The following DCDC1 variants were observed in gnomAD, a reference collection of about 807,000 sequenced individuals.
The protein encoded by DCDC1 is doublecortin domain-containing protein 1.
A neutral mutation model predicts 178.3 loss-of-function variants in DCDC1; 200 were observed. That is an observed-to-expected ratio of 1.12 (90% CI 1.00 to 1.26). The LOEUF is 1.26. Among genes scored for constraint, DCDC1 ranks in the 50% most tolerant of loss-of-function variants. DCDC1 has a pLI of 0.00. For synonymous variants in DCDC1, 690 were observed against 604.8 expected (o/e 1.14, Z -2.07); for missense variants, 1,983 against 1,749.2 (o/e 1.13, Z -2.38).
chr11:31,082,409 A>G lies in DCDC1; in HGVS notation c.2238-4484T>C, dbSNP rs191250890. 7.6e-4 allele frequency among the ~76,000 whole-genome samples: 115 copies of G among 152,212 alleles called. 1 individual carries two copies. Among genetic ancestry groups the G allele is most frequent in the African/African-American group, 2.7e-3 (113 of 41,542 alleles). ...CAGATCCTTCCTTCTCTGAAATCAT[A>G]TGACTTCCAAGTGTTCTCATTTTAC... On this transcript the variant is annotated intron_variant, in intron 17 of 38. Coordinates refer to ENST00000684477, the MANE Select transcript of DCDC1 (RefSeq NM_001387274.1).
chr11:31,294,615 G>A (rs1213577614), intron 6 of DCDC1, among the ~76,000 whole-genome samples: 1 of 23,538 alleles, frequency 4.2e-5, no homozygotes, highest in East Asian at 1.7e-3. Context: ...GGAGGGGAGG[G>A]GAGGGGAGGG....
At chr11:30,992,025 A>C (rs966537506) in intron 20 of DCDC1, among the ~76,000 whole-genome samples, 3 of 152,334 alleles carry the variant, frequency 2.0e-5, no homozygotes, top group East Asian at 3.9e-4. Context: ...ACCAAAAATG[A>C]AAATGGTACG....
At chr11:31,356,780 A>G (rs1951394989) in intron 1 of DCDC1, among the ~76,000 whole-genome samples, 2 of 150,314 alleles carry the variant, frequency 1.3e-5, no homozygotes, top group South Asian at 4.2e-4. Flanking sequence ...ACAGAAATAC[A>G]AACTACCATC....
At chr11:30,954,266 C>T (rs887009647) in intron 20 of DCDC1, among the ~76,000 whole-genome samples, 2 of 152,070 alleles carry the variant, frequency 1.3e-5, no homozygotes, top group Non-Finnish European at 2.9e-5. Flanking sequence ...CTGCCGGCCT[C>T]GGCCTCCCAA....
At chr11:31,328,377 C>G in intron 2 of DCDC1, 91 bp from the exon 3 acceptor site, 1 of 1,276,184 alleles carries the variant, frequency 7.8e-7, no homozygotes, top group Non-Finnish European at 1.1e-6. Flanking sequence ...ACTTACTTGT[C>G]ATCATGTGAT....
At chr11:31,342,208 A>C (rs1178916738) in intron 1 of DCDC1, among the ~76,000 whole-genome samples, 3 of 152,238 alleles carry the variant, frequency 2.0e-5, no homozygotes, top group Non-Finnish European at 4.4e-5. Context: ...ATGAGACTAC[A>C]CTTGCTGCTA....
intron 9 of DCDC1, among the ~76,000 whole-genome samples, chr11:31,214,294 C>T (rs1417623865): frequency 6.6e-6 from 1 of 151,988 alleles, no homozygotes; most frequent in East Asian, 1.9e-4. Context: ...AGGGTTAATA[C>T]TTTACCTATA....
chr11:31,280,704 A>T, intron 7 of DCDC1: 1 of 572,584 alleles, frequency 1.7e-6, no homozygotes, highest in Non-Finnish European at 3.3e-6. Flanking sequence ...CAAGCTAACA[A>T]GTCTGCCCTT....
intron 20 of DCDC1, among the ~76,000 whole-genome samples, chr11:31,054,121 A>G (rs1345902760): frequency 6.6e-6 from 1 of 152,134 alleles, no homozygotes; most frequent in African/African-American, 2.4e-5. Context: ...AGAATTCGGC[A>G]AAGTTTCCAG....
chr11:30,967,667 A>T (rs1404477629), intron 20 of DCDC1, among the ~76,000 whole-genome samples: 1 of 152,194 alleles, frequency 6.6e-6, no homozygotes, highest in East Asian at 1.9e-4. Context: ...TTCAATCATC[A>T]GAACAGGTCA....
chr11:30,911,033 T>C (rs1945412052), intron 28 of DCDC1, among the ~76,000 whole-genome samples: 1 of 152,060 alleles, frequency 6.6e-6, no homozygotes, highest in Admixed American at 6.5e-5. Flanking sequence ...GACCATAAGC[T>C]TGATGAATGC....
chr11:31,097,325 G>A (rs1265400298), intron 15 of DCDC1, among the ~76,000 whole-genome samples: 4 of 152,134 alleles, frequency 2.6e-5, no homozygotes, highest in African/African-American at 7.2e-5. Context: ...AACAGAACAC[G>A]AGACAATGAA....
At chr11:31,341,846 T>A (rs78631088) in intron 1 of DCDC1, among the ~76,000 whole-genome samples, 5 of 71,406 alleles carry the variant, frequency 7.0e-5, no homozygotes, top group Admixed American at 2.8e-4. Flanking sequence ...CACACACACA[T>A]TTTTTTTGGT....
intron 20 of DCDC1, among the ~76,000 whole-genome samples, chr11:31,054,023 A>G (rs993471972): frequency 6.6e-6 from 1 of 152,146 alleles, no homozygotes; most frequent in African/African-American, 2.4e-5. Context: ...TTAAAGAGGA[A>G]GTCAAACTGT....
At chr11:31,141,052 C>T (rs1963768113) in intron 9 of DCDC1, among the ~76,000 whole-genome samples, 3 of 152,136 alleles carry the variant, frequency 2.0e-5, no homozygotes, top group Admixed American at 2.0e-4. Context: ...GGAAAATGGA[C>T]TCAAGACCTC....
chr11:31,073,877 A>T (rs1465105204), intron 18 of DCDC1, among the ~76,000 whole-genome samples: 1 of 152,224 alleles, frequency 6.6e-6, no homozygotes, highest in Non-Finnish European at 1.5e-5. Context: ...AGGAAATGTT[A>T]TTATAACACA....
chr11:30,961,474 G>C (rs538832628), intron 20 of DCDC1, among the ~76,000 whole-genome samples: 2 of 152,086 alleles, frequency 1.3e-5, no homozygotes, highest in African/African-American at 4.8e-5. Context: ...GGGTTAAAAT[G>C]ATCAGATTCA....
intron 9 of DCDC1, among the ~76,000 whole-genome samples, chr11:31,184,853 G>T (rs1448660485): frequency 1.3e-5 from 2 of 151,366 alleles, no homozygotes; most frequent in African/African-American, 4.8e-5. Context: ...GTGGAAGACA[G>T]ATCCTCAAGG....
At chr11:31,315,179 A>G (rs1331368147) in intron 3 of DCDC1, among the ~76,000 whole-genome samples, 1 of 152,114 alleles carries the variant, frequency 6.6e-6, no homozygotes, top group Non-Finnish European at 1.5e-5. Context: ...GAAAACTCCT[A>G]GTAAAATCAT....
Sources: allele counts gnomAD v4.1 joint callset (sites outside exome capture counted in the v4.1 genomes callset), GRCh38; gene constraint gnomAD v4.1.1; transcripts MANE v1.5; gene names NCBI Gene and HGNC (gene_info 2026-07-23, HGNC 2026-07-21).